ZC3H12B: variants seen among roughly 807,000 people sequenced by gnomAD.
ZC3H12B encodes probable ribonuclease ZC3H12B.
A neutral mutation model predicts 43.9 loss-of-function variants in ZC3H12B; 7 were observed. The ratio of observed to expected loss-of-function variants is 0.16; its 90% CI spans 0.09 to 0.30. ZC3H12B has a LOEUF of 0.30. ZC3H12B is among the 10% of genes least tolerant of loss of function. The pLI, the probability that ZC3H12B is intolerant of heterozygous loss-of-function variation, is 1.00. For synonymous variants in ZC3H12B, 222 were observed against 241.7 expected (o/e 0.92, Z 0.76); for missense variants, 475 against 670.2 (o/e 0.71, Z 3.22).
the ZC3H12B span, among the ~76,000 whole-genome samples, chrX:65,189,984 A>T: frequency 2.7e-5 from 3 of 110,462 alleles, no homozygotes; most frequent in African/African-American, 1.0e-4. Context: ...ATAAGGTGTA[A>T]GGAAGGGATC....
At chrX:65,064,187 TCTG>T in the ZC3H12B span, among the ~76,000 whole-genome samples, 39 of 111,782 alleles carry the variant, frequency 3.5e-4, no homozygotes, top group Non-Finnish European at 6.2e-4. Context: ...TTTCTTGTCT[TCTG>T]CTAGCTTTTG....
the ZC3H12B span, among the ~76,000 whole-genome samples, chrX:65,179,547 T>A: frequency 1.8e-5 from 2 of 109,909 alleles, no homozygotes; most frequent in Non-Finnish European, 3.8e-5. Flanking sequence ...AATGAATGAA[T>A]CTAGGAGCTG....
At chrX:65,362,417 A>G (rs1473179834), upstream of ZC3H12B, among the ~76,000 whole-genome samples, 1 of 110,749 alleles carries the variant, frequency 9.0e-6, no homozygotes, top group Non-Finnish European at 1.9e-5. Context: ...GTGTTCTTTT[A>G]TACACTCCTT....
At chrX:65,257,368 C>A in the ZC3H12B span, among the ~76,000 whole-genome samples, 18 of 111,232 alleles carry the variant, frequency 1.6e-4, no homozygotes, top group African/African-American at 5.6e-4. Context: ...AAACCAAACA[C>A]CGCATGTTCT....
chrX:65,442,196 G>T (rs1236784984), intron 3 of ZC3H12B, among the ~76,000 whole-genome samples: 2 of 109,153 alleles, frequency 1.8e-5, no homozygotes, highest in African/African-American at 6.7e-5. Flanking sequence ...TACCATCACA[G>T]GCCTTGATAT....
the ZC3H12B span, among the ~76,000 whole-genome samples, chrX:65,262,592 G>A: frequency 9.0e-6 from 1 of 110,898 alleles, no homozygotes; most frequent in Admixed American, 9.6e-5. Context: ...TATCATGATA[G>A]AGAATGGAAA....
intron 3 of ZC3H12B, among the ~76,000 whole-genome samples, chrX:65,460,473 A>G (rs2067723470): frequency 8.9e-6 from 1 of 112,219 alleles, no homozygotes; most frequent in Non-Finnish European, 1.9e-5. Flanking sequence ...ACAAGGCTAC[A>G]GTAACCAAAA....
At chrX:65,448,730 T>C (rs996134533) in intron 3 of ZC3H12B, among the ~76,000 whole-genome samples, 1 of 108,113 alleles carries the variant, frequency 9.2e-6, no homozygotes, top group African/African-American at 3.4e-5. Context: ...GGAAGGAGAA[T>C]CGCTTGAACC....
the ZC3H12B span, among the ~76,000 whole-genome samples, chrX:65,289,258 G>GTAAAATTCAAATTAAA: frequency 9.1e-6 from 1 of 110,482 alleles, no homozygotes; most frequent in East Asian, 2.8e-4. Context: ...AATTCACATG[G>GTAAAATTCAAATTAAA]AACACAAACA....
chrX:65,057,525 T>C, the ZC3H12B span, among the ~76,000 whole-genome samples: 3 of 111,786 alleles, frequency 2.7e-5, no homozygotes, highest in East Asian at 5.6e-4. Flanking sequence ...ATTTTTACCT[T>C]CATTTCAACT....
chrX:65,226,629 G>A, the ZC3H12B span, among the ~76,000 whole-genome samples: 3 of 111,264 alleles, frequency 2.7e-5, no homozygotes, highest in South Asian at 1.2e-3. Context: ...GCTGTATTCA[G>A]GAAACCCATC....
the ZC3H12B span, among the ~76,000 whole-genome samples, chrX:65,227,181 T>C: frequency 9.0e-6 from 1 of 111,632 alleles, no homozygotes; most frequent in Non-Finnish European, 1.9e-5. Context: ...TAACAAAGTG[T>C]CTCTCAGACC....
the ZC3H12B span, among the ~76,000 whole-genome samples, chrX:65,139,559 G>T: frequency 1.8e-5 from 2 of 111,040 alleles, no homozygotes; most frequent in Non-Finnish European, 3.8e-5. Context: ...ATTCGTTTGG[G>T]TGTTGGCACC....
chrX:65,502,686 C>T lies in ZC3H12B; in HGVS notation c.1988C>T (p.Ala663Val), dbSNP rs1351637179. 6 of 1,210,014 alleles carry T rather than the reference C, an allele frequency of 5.0e-6. No individual in the cohort carries two copies. Among genetic ancestry groups the T allele is most frequent in the South Asian group, 1.8e-5 (1 of 56,584 alleles). The stretch of plus-strand genomic sequence containing the variant: ...TCAGTCCCCCACTTAGCTCTGCATG[C>T]CCAGCACCCATCAACTGGAACACGT... Residue 663 changes from alanine (A) to valine (V), a missense_variant, in exon 5 of 5, where the codon GCC (alanine) becomes GTC (valine). Transcript: ENST00000338957.
At chrX:65,388,647 A>G (rs773498159) in intron 2 of ZC3H12B, among the ~76,000 whole-genome samples, 50 of 111,764 alleles carry the variant, frequency 4.5e-4, no homozygotes, top group African/African-American at 1.6e-3. Context: ...CAACTCGTCA[A>G]AGTCATTCTC....
At chrX:65,191,107 A>G in the ZC3H12B span, among the ~76,000 whole-genome samples, 1 of 88,021 alleles carries the variant, frequency 1.1e-5, no homozygotes, top group Non-Finnish European at 2.1e-5. Flanking sequence ...ACATTTATTG[A>G]TTTGCGTATA....
chrX:65,236,918 G>A, the ZC3H12B span, among the ~76,000 whole-genome samples: 1 of 111,597 alleles, frequency 9.0e-6, no homozygotes, highest in Admixed American at 9.5e-5. Flanking sequence ...GTCTGTTTTT[G>A]TACCAGTACC....
At chrX:65,116,624 G>C in the ZC3H12B span, among the ~76,000 whole-genome samples, 7 of 109,470 alleles carry the variant, frequency 6.4e-5, no homozygotes, top group African/African-American at 2.3e-4. Flanking sequence ...ATGCAGGTTT[G>C]TTACATGTGT....
the ZC3H12B span, among the ~76,000 whole-genome samples, chrX:65,318,906 T>G: frequency 9.0e-6 from 1 of 111,475 alleles, no homozygotes; most frequent in African/African-American, 3.3e-5. Context: ...TACCAGAATC[T>G]CTGGGACACA....
Sources: allele counts gnomAD v4.1 joint callset (sites outside exome capture counted in the v4.1 genomes callset), GRCh38; gene constraint gnomAD v4.1.1; transcripts MANE v1.5; gene names NCBI Gene and HGNC (gene_info 2026-07-23, HGNC 2026-07-21).